Variants in ARFGEF1 observed in about 807,000 individuals in gnomAD.
ARFGEF1 encodes ARF guanine nucleotide exchange factor 1.
Under a neutral mutation model 231.0 loss-of-function variants are expected in ARFGEF1, and 42 were observed. The observed-to-expected ratio is 0.18, with a 90% CI of 0.14 to 0.24. The LOEUF (loss-of-function observed/expected upper bound fraction) is 0.24, where lower values mean the gene tolerates loss of function less well. Among genes scored for constraint, ARFGEF1 ranks in the 10% least tolerant of loss-of-function variants. The pLI, the probability that ARFGEF1 is intolerant of heterozygous loss-of-function variation, is 1.00. For synonymous variants in ARFGEF1, 710 were observed against 732.3 expected, an observed-to-expected ratio of 0.97 and a Z score of 0.49; for missense variants, 1,345 against 2,192.0, an observed-to-expected ratio of 0.61 and a Z score of 7.72.
chr8:67,258,378 T>G (rs1000363689), intron 15 of ARFGEF1, 88 bp from the exon 16 acceptor site: 1 of 938,194 alleles, frequency 1.1e-6, no homozygotes. Flanking sequence ...CAGGCTGGGG[T>G]GCAGTGGCAC....
At chr8:67,220,897 CTTTTTT>C (rs60939328) in intron 29 of ARFGEF1, among the ~76,000 whole-genome samples, 1 of 140,274 alleles carries the variant, frequency 7.1e-6, no homozygotes, top group Non-Finnish European at 1.6e-5. Flanking sequence ...TTTTCCTTTT[CTTTTTT>C]TTTTTTTTTA....
At chr8:67,335,853 T>C (rs567211152) in intron 1 of ARFGEF1, among the ~76,000 whole-genome samples, 2 of 152,056 alleles carry the variant, frequency 1.3e-5, no homozygotes, top group East Asian at 3.9e-4. Context: ...TTCAAGCGAT[T>C]CTCCTGCCTC....
At chr8:67,202,946 T>G in intron 36 of ARFGEF1, 137 bp downstream of exon 36, 1 of 860,310 alleles carries the variant, frequency 1.2e-6, no homozygotes, top group Non-Finnish European at 1.7e-6. Context: ...TGAGGTTACT[T>G]TATTACTGTT....
chr8:67,203,544 A>T (rs1838407861), intron 35 of ARFGEF1, among the ~76,000 whole-genome samples: 3 of 152,120 alleles, frequency 2.0e-5, no homozygotes, highest in South Asian at 4.1e-4. Flanking sequence ...CATCATTTTA[A>T]TTATTCTCTT....
chr8:67,254,798 A>G (rs553523730), intron 17 of ARFGEF1, among the ~76,000 whole-genome samples: 61 of 152,304 alleles, frequency 4.0e-4, no homozygotes, highest in African/African-American at 1.4e-3. Context: ...TTCCCTACAA[A>G]TATGTAAAAA....
intron 1 of ARFGEF1, among the ~76,000 whole-genome samples, chr8:67,304,143 A>T (rs575310553): frequency 6.6e-6 from 1 of 152,350 alleles, no homozygotes; most frequent in South Asian, 2.1e-4. Context: ...CATTTTTAAC[A>T]CTATCACTAA....
chr8:67,315,332 TACA>T (rs1023760479), intron 1 of ARFGEF1, among the ~76,000 whole-genome samples: 2 of 152,156 alleles, frequency 1.3e-5, no homozygotes, highest in Non-Finnish European at 2.9e-5. Flanking sequence ...ACATCCCTCT[TACA>T]ACAATACAAC....
In ARFGEF1 at chr8:67,330,517, T is replaced by C. The variant is rs138344695; in HGVS notation, c.124+12647A>G. ...GTAAAAAAAACACATTCTAATAATATAACTTTATTTCTGCCTTTGTATCTT... is the reference window on the plus strand; with the variant it reads ...GTAAAAAAAACACATTCTAATAATACAACTTTATTTCTGCCTTTGTATCTT... On this transcript the variant is annotated intron_variant, in intron 1 of 38. Transcript: ENST00000262215. Among the ~76,000 whole-genome samples the C allele has an allele frequency of 1.6e-3, 243 of 152,270 alleles. 1 individual carries two copies. Among genetic ancestry groups the C allele is most frequent in the Admixed American group, 3.9e-3 (59 of 15,304 alleles).
intron 33 of ARFGEF1, among the ~76,000 whole-genome samples, chr8:67,215,688 A>G (rs1458375897): frequency 6.6e-6 from 1 of 152,204 alleles, no homozygotes; most frequent in East Asian, 1.9e-4. Context: ...GGACGAAGCT[A>G]GTAAGGATTC....
At chr8:67,200,887 TG>T (rs1456961777) in intron 37 of ARFGEF1, among the ~76,000 whole-genome samples, 2 of 152,218 alleles carry the variant, frequency 1.3e-5, no homozygotes, top group Non-Finnish European at 2.9e-5. Context: ...CAAGGCCCTG[TG>T]GGGCCTTAAT....
intron 33 of ARFGEF1, among the ~76,000 whole-genome samples, chr8:67,213,619 A>G (rs377401527): frequency 1.3e-5 from 2 of 152,364 alleles, no homozygotes; most frequent in African/African-American, 4.8e-5. Flanking sequence ...TCAATTAAAC[A>G]CTATTCCAGG....
At chr8:67,247,384 T>G (rs1840139056) in intron 19 of ARFGEF1, among the ~76,000 whole-genome samples, 1 of 150,372 alleles carries the variant, frequency 6.7e-6, no homozygotes, top group Non-Finnish European at 1.5e-5. Context: ...TTTAAAAGAT[T>G]ATTCATCATG....
At chr8:67,336,944 C>G (rs1808369293) in intron 1 of ARFGEF1, among the ~76,000 whole-genome samples, 1 of 152,006 alleles carries the variant, frequency 6.6e-6, no homozygotes. Context: ...TCCTGGCTAA[C>G]ACGGTGAAAC....
At chr8:67,251,817 T>G (rs890083763) in intron 18 of ARFGEF1, among the ~76,000 whole-genome samples, 1 of 152,102 alleles carries the variant, frequency 6.6e-6, no homozygotes, top group African/African-American at 2.4e-5. Flanking sequence ...GCTAATTTTA[T>G]GTTCTATGAA....
At chr8:67,272,652 C>T (rs113008814) in intron 9 of ARFGEF1, among the ~76,000 whole-genome samples, 97 of 152,148 alleles carry the variant, frequency 6.4e-4, no homozygotes, top group African/African-American at 2.1e-3. Flanking sequence ...ACAACAGTTC[C>T]AATGGACTTT....
chr8:67,211,363 AAAG>A (rs1276781739), intron 34 of ARFGEF1, 117 bp downstream of exon 34: 2 of 674,370 alleles, frequency 3.0e-6, no homozygotes, highest in African/African-American at 3.9e-5. Flanking sequence ...AAAAAAAAAA[AAAG>A]AAGTGATGAC....
intron 19 of ARFGEF1, among the ~76,000 whole-genome samples, chr8:67,241,952 A>G (rs1422753023): frequency 6.6e-6 from 1 of 152,210 alleles, no homozygotes; most frequent in Non-Finnish European, 1.5e-5. Flanking sequence ...ACTCAGTGCC[A>G]TCCTGTCACA....
At chr8:67,314,943 G>A (rs1288145099) in intron 1 of ARFGEF1, among the ~76,000 whole-genome samples, 2 of 152,144 alleles carry the variant, frequency 1.3e-5, no homozygotes, top group African/African-American at 4.8e-5. Context: ...AGGAGGCTGA[G>A]TCAGGAGGAC....
Position 67,258,290 on chromosome 8 carries a change from T to A in ARFGEF1, c.2236A>T (p.Thr746Ser). ...TCTCCCAGGAACTCACCCACTTGAGTCTAAAGTAAAAACAGAGATAGAAAT... is the reference window on the plus strand; with the variant it reads ...TCTCCCAGGAACTCACCCACTTGAGACTAAAGTAAAAACAGAGATAGAAAT... ...FLHQEERLDS[T>S]QVGEFLGDND... Residue 746 changes from threonine to serine, a missense_variant and splice_region_variant, in exon 16 of 39, where the codon ACT becomes TCT. Physicochemically the swap from Thr to Ser is moderately conservative, Grantham distance 58. Around this residue, in one of 14 missense-constraint regions of ARFGEF1, gnomAD observed 105 missense variants for 159.3 expected, o/e 0.66. Transcript: ENST00000262215. 1 of 1,570,042 alleles carries A rather than the reference T, an allele frequency of 6.4e-7. No individual in the cohort carries two copies. The highest frequency in any genetic ancestry group is 8.7e-7 in the Non-Finnish European group (1 of 1,147,014).
Sources: allele counts gnomAD v4.1 joint callset (sites outside exome capture counted in the v4.1 genomes callset), GRCh38; gene constraint gnomAD v4.1.1; regional missense constraint gnomAD v4.1.1; transcripts MANE v1.5; gene names NCBI Gene and HGNC (gene_info 2026-07-23, HGNC 2026-07-21).